The following PTPRD variants were observed in gnomAD, a reference collection of about 807,000 sequenced individuals.
PTPRD encodes the protein receptor-type tyrosine-protein phosphatase delta.
Under a neutral mutation model 214.5 loss-of-function variants are expected in PTPRD, and 34 were observed. The observed-to-expected ratio is 0.16, with a 90% CI of 0.12 to 0.21. The LOEUF is 0.21. Ranked by LOEUF, PTPRD falls within the 10% of genes least tolerant of loss-of-function variation. PTPRD has a pLI of 1.00. For missense variants in PTPRD, 2,545 were observed against 2,398.7 expected (o/e 1.06, Z -1.27); for synonymous variants, 1,128 against 845.7 (o/e 1.33, Z -5.79).
chr9:9,785,199 A>C (rs1222949822), intron 5 of PTPRD, among the ~76,000 whole-genome samples: 2 of 152,060 alleles, frequency 1.3e-5, no homozygotes, highest in Non-Finnish European at 2.9e-5. Context: ...AAAGGATCAG[A>C]AAAATACAAA....
At chr9:8,695,001 A>G (rs1313061403) in intron 12 of PTPRD, among the ~76,000 whole-genome samples, 1 of 152,180 alleles carries the variant, frequency 6.6e-6, no homozygotes, top group African/African-American at 2.4e-5. Flanking sequence ...ATTCTGTCAC[A>G]TAAAACCTGA....
chr9:8,912,595 G>C (rs1188634610), intron 11 of PTPRD, among the ~76,000 whole-genome samples: 2 of 152,068 alleles, frequency 1.3e-5, no homozygotes, highest in Admixed American at 1.3e-4. Flanking sequence ...ACATTGAATT[G>C]TACACTTATA....
At chr9:8,358,705 CAGAGT>C (rs964684306) in intron 39 of PTPRD, among the ~76,000 whole-genome samples, 124 of 152,202 alleles carry the variant, frequency 8.1e-4, no homozygotes, top group African/African-American at 2.9e-3. Context: ...AGCCTAACCA[CAGAGT>C]AGATATGCAA....
At chr9:9,440,661 T>C (rs1271775032) in intron 8 of PTPRD, among the ~76,000 whole-genome samples, 2 of 152,186 alleles carry the variant, frequency 1.3e-5, no homozygotes, top group Non-Finnish European at 2.9e-5. Context: ...AACAATATTA[T>C]CCCAAAATTC....
chr9:10,186,526 A>G (rs1200070402), intron 3 of PTPRD, among the ~76,000 whole-genome samples: 1 of 152,152 alleles, frequency 6.6e-6, no homozygotes, highest in Non-Finnish European at 1.5e-5. Context: ...CATCTTTACG[A>G]ATCCTCCCCT....
At position 8,756,616 on chromosome 9, in the gene PTPRD, T is replaced by A. The variant is rs1363751889; in HGVS notation, c.-103-22670A>T. Among the ~76,000 whole-genome samples, 3 of 152,138 alleles carry A rather than the reference T, an allele frequency of 2.0e-5. No individual in the cohort carries two copies. The East Asian group carries it at 5.8e-4, about 29-fold the overall frequency. The stretch of plus-strand genomic sequence containing the variant: ...TAAAGCTCCGGAGTTCTAACGTTGT[T>A]AGGGAATTAAGGTCCAATCACCAAG... On this transcript the variant is annotated intron_variant, in intron 11 of 45. Transcript: ENST00000381196.
intron 24 of PTPRD, 102 bp from the exon 25 acceptor site, chr9:8,499,942 G>C: frequency 1.0e-6 from 1 of 959,570 alleles, no homozygotes; most frequent in Non-Finnish European, 1.5e-6. Flanking sequence ...TCAAAAAATG[G>C]GTAAACCCAC....
At chr9:8,770,517 GATTTA>G (rs1459801629) in intron 11 of PTPRD, among the ~76,000 whole-genome samples, 2 of 152,090 alleles carry the variant, frequency 1.3e-5, no homozygotes, top group Non-Finnish European at 2.9e-5. Flanking sequence ...TAATATGGAA[GATTTA>G]ATTATTATTA....
At chr9:9,064,429 C>T (rs1458937720) in intron 10 of PTPRD, among the ~76,000 whole-genome samples, 1 of 152,064 alleles carries the variant, frequency 6.6e-6, no homozygotes, top group African/African-American at 2.4e-5. Context: ...GATGTCTTTT[C>T]TTGGGTCATC....
At chr9:8,523,657 T>C (rs1592717209) in intron 18 of PTPRD, 133 bp from the exon 19 acceptor site, 1 of 914,318 alleles carries the variant, frequency 1.1e-6, no homozygotes, top group East Asian at 2.6e-5. Flanking sequence ...TTCGCTCTAG[T>C]TCATCCTTCC....
At chr9:10,449,558 G>A (rs376591233) in intron 2 of PTPRD, among the ~76,000 whole-genome samples, 9 of 151,096 alleles carry the variant, frequency 6.0e-5, no homozygotes, top group East Asian at 1.9e-4. Flanking sequence ...AGTGAGGAGC[G>A]TCTCTGCCCG....
intron 7 of PTPRD, among the ~76,000 whole-genome samples, chr9:9,725,592 T>G (rs547455085): frequency 6.6e-6 from 1 of 152,162 alleles, no homozygotes; most frequent in Non-Finnish European, 1.5e-5. Flanking sequence ...TCTCCTTATC[T>G]CCATTCCATT....
intron 12 of PTPRD, among the ~76,000 whole-genome samples, chr9:8,675,876 G>A (rs866834883): frequency 6.6e-6 from 1 of 152,164 alleles, no homozygotes; most frequent in African/African-American, 2.4e-5. Flanking sequence ...TGAAGTCAGA[G>A]TATGTTTTCT....
chr9:9,792,391 TA>T (rs1322312002), intron 5 of PTPRD, among the ~76,000 whole-genome samples: 25 of 152,286 alleles, frequency 1.6e-4, no homozygotes, highest in Non-Finnish European at 2.1e-4. Context: ...CATCTATCTT[TA>T]AGAGCTTTTT....
At chr9:10,350,399 G>C (rs1191756266) in intron 2 of PTPRD, among the ~76,000 whole-genome samples, 2 of 151,746 alleles carry the variant, frequency 1.3e-5, no homozygotes, top group Non-Finnish European at 2.9e-5. Flanking sequence ...ATATACTTTA[G>C]GGTGGCTCAC....
At chr9:8,869,115 T>C (rs2098249585) in intron 11 of PTPRD, among the ~76,000 whole-genome samples, 1 of 152,134 alleles carries the variant, frequency 6.6e-6, no homozygotes, top group Non-Finnish European at 1.5e-5. Flanking sequence ...ACTCCCTCCT[T>C]GGAAGCAAAT....
intron 11 of PTPRD, among the ~76,000 whole-genome samples, chr9:8,930,530 T>A (rs1277171531): frequency 6.6e-6 from 1 of 152,118 alleles, no homozygotes; most frequent in African/African-American, 2.4e-5. Flanking sequence ...CCCGGAGGAA[T>A]CGCCACACTG....
At chr9:9,151,156 T>A (rs2154488219) in intron 10 of PTPRD, among the ~76,000 whole-genome samples, 1 of 152,356 alleles carries the variant, frequency 6.6e-6, no homozygotes, top group South Asian at 2.1e-4. Flanking sequence ...TTACTCTCTC[T>A]TGCACTTTTA....
chr9:10,433,130 T>C (rs534835911), intron 2 of PTPRD, among the ~76,000 whole-genome samples: 5 of 152,070 alleles, frequency 3.3e-5, no homozygotes, highest in Non-Finnish European at 7.4e-5. Flanking sequence ...AAGATGTTAC[T>C]AGATCAAAAG....
Sources: allele counts gnomAD v4.1 joint callset (sites outside exome capture counted in the v4.1 genomes callset), GRCh38; gene constraint gnomAD v4.1.1; transcripts MANE v1.5; gene names NCBI Gene and HGNC (gene_info 2026-07-23, HGNC 2026-07-21).